CPA3: variants seen among roughly 807,000 people sequenced by gnomAD.
CPA3 encodes carboxypeptidase A3, also known as mast cell carboxypeptidase A.
Under a neutral mutation model 55.8 loss-of-function variants are expected in CPA3, and 52 were observed. The observed-to-expected ratio is 0.93, with a 90% CI of 0.75 to 1.17. The LOEUF (loss-of-function observed/expected upper bound fraction) is 1.17. Among genes scored for constraint, CPA3 ranks in the 50% most tolerant of loss-of-function variants. CPA3 has a pLI of 0.00. For missense variants in CPA3, 547 were observed against 509.1 expected, an observed-to-expected ratio of 1.07 and a Z score of -0.72; for synonymous variants, 179 against 171.2, an observed-to-expected ratio of 1.05 and a Z score of -0.36.
At chr3:148,881,472 T>C (rs1714364906) in intron 6 of CPA3, 50 bp from the exon 7 acceptor site, 3 of 1,132,674 alleles carry the variant, frequency 2.6e-6, no homozygotes, top group Non-Finnish European at 4.0e-6. Flanking sequence ...GCTTTCCACA[T>C]AATAGCTAAA....
intron 10 of CPA3, among the ~76,000 whole-genome samples, chr3:148,890,822 G>A (rs1373668495): frequency 6.6e-6 from 1 of 152,184 alleles, no homozygotes; most frequent in Non-Finnish European, 1.5e-5. Flanking sequence ...CAGATTTCTA[G>A]TTTGGTACGG....
chr3:148,882,516 G>C lies in CPA3; in HGVS notation c.699G>C (p.Trp233Cys). Reference protein sequence around the residue: ...YIWSWTKNRMWRKNRSKNQNS... With the variant: ...YIWSWTKNRMCRKNRSKNQNS... ...ATTCAATCTGGCAGAACCGCATGTG[G>C]AGAAAAAATCGTTCCAAGAACCAAA... Residue 233 changes from tryptophan to cysteine, a missense_variant, in exon 8 of 11, where the codon TGG (tryptophan) becomes TGC (cysteine). Transcript: ENST00000296046. 1 of 1,613,552 alleles carries C rather than the reference G, an allele frequency of 6.2e-7. No individual in the cohort carries two copies. Among genetic ancestry groups the C allele is most frequent in the Non-Finnish European group, 8.5e-7 (1 of 1,179,606 alleles).
chr3:148,872,557 A>G (rs1443209256), intron 3 of CPA3, among the ~76,000 whole-genome samples: 2 of 152,254 alleles, frequency 1.3e-5, no homozygotes, highest in African/African-American at 4.8e-5. Context: ...GTGATAATCA[A>G]CACCTAATAT....
intron 3 of CPA3, among the ~76,000 whole-genome samples, chr3:148,876,590 TG>T (rs2108032393): frequency 6.6e-6 from 1 of 152,294 alleles, no homozygotes; most frequent in South Asian, 2.1e-4. Context: ...TTGCCCAGGC[TG>T]GTCTCAAACT....
intron 10 of CPA3, among the ~76,000 whole-genome samples, chr3:148,892,388 C>T (rs1343593296): frequency 2.0e-5 from 3 of 152,276 alleles, no homozygotes; most frequent in East Asian, 1.9e-4. Flanking sequence ...CACGGTGGCT[C>T]ATGCCTGTAA....
Position 148,886,079 on chromosome 3 carries a change from T to C in CPA3, c.982-14T>C. On this transcript the variant is annotated splice_polypyrimidine_tract_variant and intron_variant, in intron 9 of 10. Transcript: ENST00000296046. ...GTATCCTATTATTTCACTCTAACTT[T>C]CCTTTCTCTCCAGGCCAAAGTTGCA... is the stretch of plus-strand genomic sequence containing the variant. 1 of 1,590,042 alleles carries C rather than the reference T, an allele frequency of 6.3e-7. No individual in the cohort carries two copies. The highest frequency in any genetic ancestry group is 8.6e-7 in the Non-Finnish European group (1 of 1,159,198).
intron 3 of CPA3, among the ~76,000 whole-genome samples, chr3:148,875,690 T>C (rs1011126548): frequency 1.3e-5 from 2 of 152,202 alleles, no homozygotes; most frequent in Non-Finnish European, 2.9e-5. Context: ...GAACAGTATC[T>C]AAAATAAGAC....
chr3:148,876,962 T>C (rs1460121345), intron 3 of CPA3, among the ~76,000 whole-genome samples: 3 of 152,344 alleles, frequency 2.0e-5, no homozygotes, highest in Non-Finnish European at 4.4e-5. Flanking sequence ...TTCTGAGCAC[T>C]AACTTCCCCA....
In CPA3 at chr3:148,882,485, T is replaced by TA. The variant is rs1559969115; in HGVS notation, c.688-19dup. 2.5e-6 allele frequency: 4 copies of TA among 1,604,666 alleles called. No homozygotes were observed. The African/African-American group carries it at 4.0e-5, about 16-fold the overall frequency. ...TGCAAACTGATCTTGTGTAAACACT[T>TA]ACGTCATTCAATCTGGCAGAACCGC... On this transcript the variant is annotated intron_variant, in intron 7 of 10. Transcript: ENST00000296046.
chr3:148,874,273 T>C (rs1407314820), intron 3 of CPA3, among the ~76,000 whole-genome samples: 4 of 152,208 alleles, frequency 2.6e-5, no homozygotes, highest in African/African-American at 7.2e-5. Flanking sequence ...AGTCTAAAAA[T>C]ATTCTTAGAT....
intron 3 of CPA3, among the ~76,000 whole-genome samples, chr3:148,876,809 A>T (rs1714216775): frequency 6.6e-6 from 1 of 152,242 alleles, no homozygotes; most frequent in South Asian, 2.1e-4. Context: ...AAAAAGATTA[A>T]TGAAGCAAAT....
intron 5 of CPA3, among the ~76,000 whole-genome samples, 193 bp from the exon 6 acceptor site, chr3:148,879,595 G>A (rs1714303565): frequency 6.6e-6 from 1 of 152,148 alleles, no homozygotes; most frequent in South Asian, 2.1e-4. Context: ...CATTGTAATA[G>A]ATTATGAATT....
chr3:148,881,412 A>G, intron 6 of CPA3, 110 bp from the exon 7 acceptor site: 1 of 613,078 alleles, frequency 1.6e-6, no homozygotes, highest in Non-Finnish European at 2.9e-6. Flanking sequence ...AATATGCTTG[A>G]AAACATGTGA....
chr3:148,880,691 A>G (rs1438099998), intron 6 of CPA3, among the ~76,000 whole-genome samples: 1 of 152,012 alleles, frequency 6.6e-6, no homozygotes, highest in Non-Finnish European at 1.5e-5. Context: ...CTCTCACTCT[A>G]TTGCCAATGT....
At chr3:148,878,354 A>T (rs1269421065) in intron 3 of CPA3, 87 bp from the exon 4 acceptor site, 1 of 935,158 alleles carries the variant, frequency 1.1e-6, no homozygotes, top group Non-Finnish European at 1.8e-6. Context: ...ATAAAGGAGA[A>T]GGAAGAGAAA....
intron 9 of CPA3, among the ~76,000 whole-genome samples, chr3:148,885,353 A>G (rs1462516506): frequency 6.6e-6 from 1 of 151,864 alleles, no homozygotes; most frequent in African/African-American, 2.4e-5. Context: ...AGAAGAGTAG[A>G]AACACAAAAT....
rs191095157 is a variant in CPA3, at chr3:148,877,358, G to A, written c.270-1083G>A. Among the ~76,000 whole-genome samples, 366 of 152,320 alleles carry A rather than the reference G, an allele frequency of 2.4e-3. 1 individual carries two copies. Among genetic ancestry groups the A allele is most frequent in the Non-Finnish European group, 3.7e-3 (250 of 68,032 alleles). On this transcript the variant is annotated intron_variant, in intron 3 of 10. Transcript: ENST00000296046. ...TCAAAATACAAAATTAGCTGGCGTA[G>A]TGGCACATGCCTGTAATTCCAGCTG...
chr3:148,886,305 A>G, intron 10 of CPA3, 128 bp downstream of exon 10: 1 of 644,366 alleles, frequency 1.6e-6, no homozygotes, highest in South Asian at 2.0e-5. Context: ...TACTTTTTAC[A>G]GGATATTCTG....
chr3:148,870,812 C>G (rs977622721), intron 3 of CPA3, among the ~76,000 whole-genome samples: 1 of 152,160 alleles, frequency 6.6e-6, no homozygotes, highest in African/African-American at 2.4e-5. Context: ...ATTACATTAT[C>G]TGTTTACATT....
Sources: gnomAD v4.1 joint callset for allele counts (sites outside exome capture counted in the v4.1 genomes callset) on GRCh38, gnomAD v4.1.1 for gene constraint, MANE v1.5 for transcripts, NCBI Gene and HGNC (gene_info 2026-07-23, HGNC 2026-07-21) for gene names.